The following QTMAN variants were observed in gnomAD, a reference collection of about 807,000 sequenced individuals.
QTMAN encodes the protein tRNA-queuosine alpha-mannosyltransferase.
At chr2:143,938,864 C>G in the QTMAN span, 1 of 152,208 alleles carries the variant, frequency 6.6e-6, no homozygotes, top group Non-Finnish European at 1.5e-5. Flanking sequence ...AGGCAAATGC[C>G]TGAACCAATA....
the QTMAN span, chr2:144,208,485 A>G: frequency 2.5e-6 from 2 of 798,434 alleles, no homozygotes; most frequent in Non-Finnish European, 2.0e-6. Flanking sequence ...TATCTACTAT[A>G]GTCATAATAA....
chr2:143,961,768 G>A, the QTMAN span, among the ~76,000 whole-genome samples: 1 of 152,096 alleles, frequency 6.6e-6, no homozygotes, highest in South Asian at 2.1e-4. Flanking sequence ...TCTACTTACA[G>A]AAGCTGCAGG....
the QTMAN span, among the ~76,000 whole-genome samples, chr2:144,095,467 A>C: frequency 1.3e-5 from 2 of 152,186 alleles, no homozygotes; most frequent in Non-Finnish European, 1.5e-5. Flanking sequence ...ATAAACAATA[A>C]TAAAGTTAAA....
the QTMAN span, among the ~76,000 whole-genome samples, chr2:144,141,042 A>G: frequency 1.2e-3 from 176 of 152,130 alleles, 2 homozygotes; most frequent in African/African-American, 4.1e-3. Flanking sequence ...CTTGCATAGC[A>G]TGTATGGATA....
chr2:144,163,103 A>G, the QTMAN span, among the ~76,000 whole-genome samples: 5 of 152,192 alleles, frequency 3.3e-5, no homozygotes, highest in Non-Finnish European at 5.9e-5. Flanking sequence ...CCCTAATAAT[A>G]TTAACAATAA....
the QTMAN span, among the ~76,000 whole-genome samples, chr2:144,116,925 G>A: frequency 6.6e-6 from 1 of 152,148 alleles, no homozygotes; most frequent in African/African-American, 2.4e-5. Flanking sequence ...ATGCTATTGA[G>A]GGTCCTGGGT....
the QTMAN span, among the ~76,000 whole-genome samples, chr2:144,009,386 T>C: frequency 6.6e-6 from 1 of 152,034 alleles, no homozygotes; most frequent in East Asian, 1.9e-4. Flanking sequence ...TAAATAGGGC[T>C]GAAAGCAAGG....
the QTMAN span, among the ~76,000 whole-genome samples, chr2:144,316,635 C>T: frequency 6.6e-6 from 1 of 152,146 alleles, no homozygotes; most frequent in Admixed American, 6.5e-5. Flanking sequence ...ATAAAGGCAA[C>T]CCATTAGATG....
the QTMAN span, among the ~76,000 whole-genome samples, chr2:144,141,333 T>A: frequency 6.6e-6 from 1 of 151,726 alleles, no homozygotes; most frequent in African/African-American, 2.4e-5. Context: ...AAAAAAAATG[T>A]CCTTAGTAAC....
chr2:144,170,515 A>G, the QTMAN span, among the ~76,000 whole-genome samples: 2 of 152,150 alleles, frequency 1.3e-5, no homozygotes, highest in African/African-American at 4.8e-5. Flanking sequence ...AGAAACTCAG[A>G]TCTTTTATAG....
the QTMAN span, among the ~76,000 whole-genome samples, chr2:144,260,169 TG>T: frequency 6.6e-6 from 1 of 152,290 alleles, no homozygotes; most frequent in South Asian, 2.1e-4. Flanking sequence ...AATTCCTTAT[TG>T]TAAAAAAATC....
the QTMAN span, among the ~76,000 whole-genome samples, chr2:144,306,178 T>C: frequency 6.6e-6 from 1 of 152,222 alleles, no homozygotes; most frequent in Non-Finnish European, 1.5e-5. Context: ...GTTGAGGAAA[T>C]TTCCTTTTTA....
chr2:144,321,614 T>C, the QTMAN span, among the ~76,000 whole-genome samples: 72 of 152,246 alleles, frequency 4.7e-4, no homozygotes, highest in African/African-American at 1.7e-3. Context: ...ATTTGTTTAT[T>C]TGATTAAGAG....
the QTMAN span, among the ~76,000 whole-genome samples, chr2:144,051,961 TTTAA>T: frequency 6.6e-6 from 1 of 152,220 alleles, no homozygotes; most frequent in Non-Finnish European, 1.5e-5. Flanking sequence ...TCAGATCACT[TTTAA>T]TTAACCCCAA....
the QTMAN span, among the ~76,000 whole-genome samples, chr2:144,295,531 C>G: frequency 6.6e-6 from 1 of 152,304 alleles, no homozygotes; most frequent in African/African-American, 2.4e-5. Flanking sequence ...ACCTATTTCT[C>G]TACCAGAAGT....
chr2:144,009,258 C>T, the QTMAN span, among the ~76,000 whole-genome samples: 1 of 151,992 alleles, frequency 6.6e-6, no homozygotes, highest in East Asian at 1.9e-4. Context: ...TAAGGAGTTG[C>T]CTCATTAAAG....
chr2:144,145,565 T>C, the QTMAN span: 8 of 1,600,980 alleles, frequency 5.0e-6, no homozygotes, highest in Middle Eastern at 1.7e-4. Context: ...ATACAATCCA[T>C]ACCTACCATG....
the QTMAN span, among the ~76,000 whole-genome samples, chr2:144,065,740 G>A: frequency 1.2e-4 from 18 of 151,126 alleles, no homozygotes; most frequent in African/African-American, 4.4e-4. Context: ...CCATGTCTCT[G>A]ACATTGGGTA....
chr2:144,151,319 T>C, the QTMAN span, among the ~76,000 whole-genome samples: 1 of 152,130 alleles, frequency 6.6e-6, no homozygotes, highest in Non-Finnish European at 1.5e-5. Context: ...AGGGCATGAT[T>C]TTTATACTCA....
Sources: allele counts gnomAD v4.1 joint callset (sites outside exome capture counted in the v4.1 genomes callset), GRCh38; gene constraint gnomAD v4.1.1; transcripts MANE v1.5; gene names NCBI Gene and HGNC (gene_info 2026-07-23, HGNC 2026-07-21).